The following RNF128 variants were observed in gnomAD, a reference collection of about 807,000 sequenced individuals.
RNF128 encodes ring finger protein 128, also known as E3 ubiquitin-protein ligase RNF128.
RNF128 carries 13 observed loss-of-function variants against 26.2 expected under a neutral mutation model. The observed-to-expected ratio is 0.50, with a 90% confidence interval of 0.32 to 0.79. The LOEUF is 0.79. RNF128 is among the 30% of genes least tolerant of loss of function. RNF128 has a pLI of 0.03. For missense variants in RNF128, 315 were observed against 349.7 expected, an observed-to-expected ratio of 0.90 and a Z score of 0.79; for synonymous variants, 149 against 142.5, an observed-to-expected ratio of 1.05 and a Z score of -0.32.
chrX:106,693,991 A>G lies in RNF128; in HGVS notation c.-12A>G, dbSNP rs187766177. The stretch of plus-strand genomic sequence containing the variant: ...GCAAACATCTTAAATTTTATACTCA[A>G]ATGAATGAGCAATGAACCAGGAGAA... On this transcript the variant is annotated 5_prime_UTR_variant, in exon 1 of 7. Transcript: ENST00000324342. 584 of 1,173,710 alleles carry G rather than the reference A, an allele frequency of 5.0e-4. 5 individuals carry two copies. The highest frequency in any genetic ancestry group is 5.8e-5 in the Non-Finnish European group (51 of 877,503).
intron 1 of RNF128, among the ~76,000 whole-genome samples, chrX:106,736,181 G>T (rs1263437424): frequency 9.0e-6 from 1 of 111,336 alleles, no homozygotes; most frequent in Non-Finnish European, 1.9e-5. Flanking sequence ...AGGGAATCGT[G>T]ATATTCTTAT....
At chrX:106,726,029 G>A (rs1010220390), upstream of RNF128, among the ~76,000 whole-genome samples, 3 of 112,896 alleles carry the variant, frequency 2.7e-5, no homozygotes, top group African/African-American at 9.6e-5. Context: ...CATCCGCTAG[G>A]GTAAGTCAGG....
chrX:106,745,045 A>G (rs954090569), intron 1 of RNF128, among the ~76,000 whole-genome samples: 1 of 111,707 alleles, frequency 9.0e-6, no homozygotes, highest in East Asian at 2.8e-4. Flanking sequence ...CATGTCATCC[A>G]CAAATTATTC....
chrX:106,735,746 A>G (rs764826308), intron 1 of RNF128, among the ~76,000 whole-genome samples: 1 of 111,848 alleles, frequency 8.9e-6, no homozygotes, highest in South Asian at 3.7e-4. Context: ...GAATATAGCT[A>G]TCTAATCCAT....
intron 1 of RNF128, among the ~76,000 whole-genome samples, chrX:106,706,771 GGGTGGTTGTAA>G (rs1929049053): frequency 8.9e-6 from 1 of 112,327 alleles, no homozygotes; most frequent in South Asian, 3.7e-4. Context: ...ACTTTATATA[GGGTGGTTGTAA>G]GGATTAAATT....
intron 5 of RNF128, among the ~76,000 whole-genome samples, chrX:106,790,813 G>A (rs781263401): frequency 3.8e-4 from 42 of 110,051 alleles, no homozygotes; most frequent in African/African-American, 1.4e-3. Context: ...TTTATGAAGT[G>A]CTGGTATCAC....
intron 1 of RNF128, among the ~76,000 whole-genome samples, chrX:106,710,746 CAAAAAA>C (rs11326354): frequency 1.4e-4 from 5 of 35,202 alleles, no homozygotes; most frequent in African/African-American, 5.0e-4. Context: ...GAAAGTCTGT[CAAAAAA>C]AAAAAAAAAA....
At position 106,785,156 on chromosome X, in the gene RNF128, A is replaced by G; in HGVS notation, c.804+20A>G. 9.0e-7 allele frequency: 1 copy of G among 1,113,768 alleles called. No homozygotes were observed. The highest frequency in any genetic ancestry group is 1.2e-6 in the Non-Finnish European group (1 of 831,134). The allele number at this position is 1,113,768 out of a possible 1,213,427, so 91.8% of individuals were successfully genotyped here. The stretch of plus-strand genomic sequence containing the variant: ...GACAAGGTACATTCATGACTTTTAA[A>G]TGCTATTTATTTTAAAGCAGTGCTA... On this transcript the variant is annotated intron_variant, in intron 3 of 6. Transcript: ENST00000255499.
intron 1 of RNF128, among the ~76,000 whole-genome samples, chrX:106,715,207 G>C (rs1478221759): frequency 8.9e-6 from 1 of 111,829 alleles, no homozygotes; most frequent in Non-Finnish European, 1.9e-5. Flanking sequence ...ACAACATTTG[G>C]TGTAGACACA....
chrX:106,788,373 T>A (rs1298019757), intron 4 of RNF128, among the ~76,000 whole-genome samples: 6 of 44,397 alleles, frequency 1.4e-4, no homozygotes, highest in East Asian at 1.5e-3. Context: ...ATAATATATA[T>A]TATATATTAT....
chrX:106,697,524 G>T (rs900470501), intron 1 of RNF128, among the ~76,000 whole-genome samples: 3 of 111,398 alleles, frequency 2.7e-5, no homozygotes, highest in African/African-American at 9.8e-5. Flanking sequence ...ACCCACCCTC[G>T]TACTGTTGTG....
At chrX:106,739,230 G>A (rs1421062436) in intron 1 of RNF128, among the ~76,000 whole-genome samples, 1 of 109,573 alleles carries the variant, frequency 9.1e-6, no homozygotes, top group Admixed American at 9.8e-5. Context: ...TGCAATATGG[G>A]CTCACTTCAA....
upstream of RNF128, among the ~76,000 whole-genome samples, chrX:106,723,041 T>C (rs1354621347): frequency 9.0e-6 from 1 of 111,725 alleles, no homozygotes; most frequent in Non-Finnish European, 1.9e-5. Flanking sequence ...ATATGATCTC[T>C]TTAAGTTCAA....
chrX:106,702,800 C>T (rs1306997892), intron 1 of RNF128, among the ~76,000 whole-genome samples: 3 of 111,680 alleles, frequency 2.7e-5, no homozygotes, highest in Admixed American at 9.5e-5. Context: ...GGACCTTTGA[C>T]AGAACAGTGG....
At chrX:106,719,862 G>C (rs1929280395) in intron 1 of RNF128, among the ~76,000 whole-genome samples, 1 of 107,860 alleles carries the variant, frequency 9.3e-6, no homozygotes, top group Admixed American at 1.0e-4. Context: ...CTAGTATACT[G>C]AGTGTCATAC....
At chrX:106,722,310 C>T (rs940239872), upstream of RNF128, among the ~76,000 whole-genome samples, 3 of 111,475 alleles carry the variant, frequency 2.7e-5, no homozygotes, top group African/African-American at 9.8e-5. Flanking sequence ...GTCAGGAATA[C>T]TCTAGTCTAC....
intron 1 of RNF128, among the ~76,000 whole-genome samples, chrX:106,753,648 CA>C (rs1031550324): frequency 2.7e-5 from 3 of 111,227 alleles, no homozygotes; most frequent in Admixed American, 9.6e-5. Flanking sequence ...ACTTTTCAAT[CA>C]AAAAACATAG....
intron 5 of RNF128, 129 bp from the exon 6 acceptor site, chrX:106,790,937 A>G (rs2147704774): frequency 5.3e-6 from 3 of 561,843 alleles, no homozygotes; most frequent in South Asian, 6.8e-5. Flanking sequence ...GATCATCAAA[A>G]GGGATCATAG....
At chrX:106,777,676 T>C (rs1930490155) in intron 2 of RNF128, among the ~76,000 whole-genome samples, 1 of 111,894 alleles carries the variant, frequency 8.9e-6, no homozygotes, top group Admixed American at 9.5e-5. Context: ...ATCCACGGCC[T>C]CTTAATTAAG....
Sources: gnomAD v4.1 joint callset for allele counts (sites outside exome capture counted in the v4.1 genomes callset) on GRCh38, gnomAD v4.1.1 for gene constraint, MANE v1.5 for transcripts, NCBI Gene and HGNC (gene_info 2026-07-23, HGNC 2026-07-21) for gene names.